The following ZNF235 variants were observed in gnomAD, a reference collection of about 807,000 sequenced individuals.
ZNF235 encodes zfp-93.
A neutral mutation model predicts 29.4 loss-of-function variants in ZNF235; 25 were observed. That is an observed-to-expected ratio of 0.85 (90% CI 0.62 to 1.19). The LOEUF (loss-of-function observed/expected upper bound fraction) is 1.19, where lower values mean the gene tolerates loss of function less well. ZNF235 is among the 50% of genes most tolerant of loss of function. The pLI is 0.00. For missense variants in ZNF235, 788 were observed against 885.0 expected (o/e 0.89, Z 1.39); for synonymous variants, 300 against 295.3 (o/e 1.02, Z -0.16).
rs1396634834 is a variant in ZNF235, at chr19:44,304,954, AC to A, written c.-49+16del. 1.0e-6 allele frequency: 1 copy of A among 985,124 alleles called. No homozygotes were observed. The highest frequency in any genetic ancestry group is 1.7e-5 in the African/African-American group (1 of 57,212). 61.0% of individuals were successfully genotyped at this position (985,124 alleles called of 1,614,324 possible). On this transcript the variant is annotated intron_variant, in intron 1 of 4. Transcript: ENST00000291182. ...AAGAGGGCTCGGAGAAGTCTTGGAG[AC>A]CCGGAGCTGACTCACCTCCCTGGGA...
At position 44,289,096 on chromosome 19, in the gene ZNF235, C is replaced by G; in HGVS notation, c.339G>C (p.Ala113=). 6.2e-7 allele frequency: 1 copy of G among 1,614,058 alleles called. No individual in the cohort carries two copies. The highest frequency in any genetic ancestry group is 8.5e-7 in the Non-Finnish European group (1 of 1,179,994). ...LSCWQIKRHI[A]SKLARSQDSM... ...AGTCTTGACTTCTGGCTAATTTGCTCGCAATGTGTCTCTTGATTTGCCAGC... is the reference window on the plus strand; with the variant it reads ...AGTCTTGACTTCTGGCTAATTTGCTGGCAATGTGTCTCTTGATTTGCCAGC... Residue 113 remains alanine, a synonymous_variant, in exon 5 of 5, where the codon GCG becomes GCC. Coordinates refer to ENST00000291182, the MANE Select transcript of ZNF235 (RefSeq NM_004234.4).
intron 4 of ZNF235, among the ~76,000 whole-genome samples, chr19:44,292,948 C>CA (rs1287981355): frequency 6.6e-6 from 1 of 151,790 alleles, no homozygotes; most frequent in Non-Finnish European, 1.5e-5. Context: ...CTTCAAAAAA[C>CA]AAAAAAATTT....
At chr19:44,302,783 T>A (rs923915325) in intron 2 of ZNF235, among the ~76,000 whole-genome samples, 4 of 131,022 alleles carry the variant, frequency 3.1e-5, no homozygotes, top group East Asian at 2.2e-4. Flanking sequence ...TATATATATA[T>A]AAAACTATAT....
At chr19:44,302,974 G>GTA (rs1418642905) in intron 2 of ZNF235, among the ~76,000 whole-genome samples, 1 of 106,404 alleles carries the variant, frequency 9.4e-6, no homozygotes, top group East Asian at 2.5e-4. Flanking sequence ...ACGTATATAT[G>GTA]TATATATTTA....
At chr19:44,304,754 G>A (rs929320911) in intron 1 of ZNF235, 4 of 985,432 alleles carry the variant, frequency 4.1e-6, no homozygotes, top group East Asian at 1.1e-4. Context: ...GCGTGAGGAC[G>A]GCTAGGGCAG....
In ZNF235 at chr19:44,288,566, G is replaced by C; in HGVS notation, c.869C>G (p.Ser290Cys). 6.2e-7 allele frequency: 1 copy of C among 1,614,132 alleles called. No individual in the cohort carries two copies. The highest frequency in any genetic ancestry group is 8.5e-7 in the Non-Finnish European group (1 of 1,179,986). The stretch of plus-strand genomic sequence containing the variant: ...CTTCTCATGTGTACTACACGCTGGA[G>C]ACTTCTTTCCCAAGTGTACCTGTTT... ...LHKQVHLGKKSPACSTHEKDT... is the reference protein window; with the variant it reads ...LHKQVHLGKKCPACSTHEKDT... The change falls in exon 5 of 5, where the codon TCT becomes TGT. Residue 290 changes from serine (S) to cysteine (C), a missense_variant. Coordinates refer to ENST00000291182, the MANE Select transcript of ZNF235 (RefSeq NM_004234.4).
rs1975535686 is a variant in ZNF235 at position 44,288,624 on chromosome 19, C to T, written c.811G>A (p.Ala271Thr). 1 of 1,613,934 alleles carries T rather than the reference C, an allele frequency of 6.2e-7. No individual in the cohort carries two copies. The highest frequency in any genetic ancestry group is 1.7e-5 in the Admixed American group (1 of 59,982). Residue 271 changes from alanine (A) to threonine (T), a missense_variant, in exon 5 of 5, where the codon GCC becomes ACC. By Grantham distance (58) the Ala-to-Thr change is moderately conservative (BLOSUM62 0). Coordinates refer to ENST00000291182, the MANE Select transcript of ZNF235 (RefSeq NM_004234.4). Reference protein sequence around the residue: ...KTYQGNECEEAFNDSSSLELH... With the variant: ...KTYQGNECEETFNDSSSLELH... Reference sequence around the variant, plus strand: ...TCAAGACTGGAGCTATCATTGAAGGCTTCTTCACATTCATTACCCTGGTAG... The same window carrying T: ...TCAAGACTGGAGCTATCATTGAAGGTTTCTTCACATTCATTACCCTGGTAG...
chr19:44,293,542 C>T (rs1975613433), intron 4 of ZNF235, among the ~76,000 whole-genome samples: 1 of 152,006 alleles, frequency 6.6e-6, no homozygotes, highest in Admixed American at 6.6e-5. Context: ...CAAAGAAACA[C>T]TGGACTTAAA....
intron 4 of ZNF235, chr19:44,290,936 A>G (rs1975577031): frequency 6.6e-6 from 1 of 152,250 alleles, no homozygotes; most frequent in African/African-American, 2.4e-5. Flanking sequence ...CAGCATCAGC[A>G]GTCAGAAAAC....
Position 44,288,482 on chromosome 19 carries a change from C to G in ZNF235, c.953G>C (p.Arg318Pro). 1 of 1,614,134 alleles carries G rather than the reference C, an allele frequency of 6.2e-7. No homozygotes were observed. Among genetic ancestry groups the G allele is most frequent in the Non-Finnish European group, 8.5e-7 (1 of 1,179,998 alleles). The change falls in exon 5 of 5, where the codon CGC becomes CCC. Residue 318 changes from arginine to proline, a missense_variant. By Grantham distance (103) the Arg-to-Pro change is moderately radical. Transcript: ENST00000291182. ...TTTACCACATTCATGACACCAATAG[C>G]GTTTTTTCCCAGTACGAACACTTTG... ...VQQSVRTGKK[R>P]YWCHECGKGF...
Position 44,287,557 on chromosome 19 carries a change from T to C in ZNF235, c.1878A>G (p.Pro626=), listed in dbSNP as rs1244123574. ...AHQRVHTGEK[P]YKCDTCGKAF... The stretch of plus-strand genomic sequence containing the variant: ...CCTTACCACAAGTGTCACATTTATA[T>C]GGTTTCTCTCCGGTGTGGACTCTCT... The change falls in exon 5 of 5, where the codon CCA becomes CCG. Residue 626 remains proline, a synonymous_variant. Transcript: ENST00000291182. The C allele has an allele frequency of 1.9e-6, 3 of 1,613,818 alleles. No individual in the cohort carries two copies. The highest frequency in any genetic ancestry group is 2.5e-6 in the Non-Finnish European group (3 of 1,179,952).
intron 2 of ZNF235, 119 bp downstream of exon 2, chr19:44,303,271 A>G: frequency 2.2e-6 from 2 of 894,762 alleles, no homozygotes; most frequent in Non-Finnish European, 3.6e-6. Context: ...ACAACCTGGC[A>G]TATAACAACA....
chr19:44,293,050 G>T (rs1191905662), intron 4 of ZNF235, among the ~76,000 whole-genome samples: 1 of 152,062 alleles, frequency 6.6e-6, no homozygotes, highest in Non-Finnish European at 1.5e-5. Context: ...ACTAGACCAG[G>T]TCTACAGGGA....
At chr19:44,303,566 CACG>C (rs1470322920) in intron 1 of ZNF235, 114 bp from the exon 2 acceptor site, 1 of 908,560 alleles carries the variant, frequency 1.1e-6, no homozygotes, top group East Asian at 2.9e-5. Context: ...CACAGTTGCA[CACG>C]GCTTAGTGAG....
intron 2 of ZNF235, among the ~76,000 whole-genome samples, chr19:44,301,205 T>A (rs148844369): frequency 6.6e-6 from 1 of 152,218 alleles, no homozygotes; most frequent in African/African-American, 2.4e-5. Context: ...ACCTGTTTCC[T>A]ACTTGTCTCA....
At chr19:44,289,307 T>A in intron 4 of ZNF235, 111 bp from the exon 5 acceptor site, 2 of 944,444 alleles carry the variant, frequency 2.1e-6, no homozygotes, top group Non-Finnish European at 3.0e-6. Context: ...AAAAAACAAC[T>A]AGACTGGCTG....
chr19:44,289,902 A>G (rs1050515549), intron 4 of ZNF235: 2 of 152,246 alleles, frequency 1.3e-5, no homozygotes. Context: ...AGACAAATCC[A>G]TATTTATAGC....
rs138928444 is a variant in ZNF235, at chr19:44,303,158, G to A, written c.15+232C>T. Among the ~76,000 whole-genome samples, 590 of 140,140 alleles carry A rather than the reference G, an allele frequency of 4.2e-3. 5 individuals carry two copies. The highest frequency in any genetic ancestry group is 0.014 in the African/African-American group (537 of 38,316). The allele number at this position is 140,140 out of a possible 152,430, so 91.9% of individuals were successfully genotyped here. A position where few individuals can be genotyped will look rare whatever the true frequency, so the allele number is the denominator to read the frequency against. On this transcript the variant is annotated intron_variant, in intron 2 of 4. Transcript: ENST00000291182. The stretch of plus-strand genomic sequence containing the variant: ...TTGTATATAAATATAAAATATATAC[G>A]TATATATAAATATATAATTATATAG...
At position 44,289,192 on chromosome 19, in the gene ZNF235, G is replaced by A. The variant is rs1194645988; in HGVS notation, c.243C>T (p.Asp81=). The A allele has an allele frequency of 3.1e-6, 5 of 1,610,586 alleles. No homozygotes were observed. Among genetic ancestry groups the A allele is most frequent in the South Asian group, 2.2e-5 (2 of 90,796 alleles). ...GAGTTGCCATCTCATTTTGATTCCTGTCTCCTGAAAGGATAGAGAGAATAA... is the reference window on the plus strand; with the variant it reads ...GAGTTGCCATCTCATTTTGATTCCTATCTCCTGAAAGGATAGAGAGAATAA... The part of the protein sequence containing the change: ...LQTQRGKHSG[D]RNQNEMATLH... Residue 81 remains aspartate, a synonymous_variant, in exon 5 of 5, where the codon GAC becomes GAT. Coordinates refer to ENST00000291182, the MANE Select transcript of ZNF235 (RefSeq NM_004234.4).
Sources: gnomAD v4.1 joint callset for allele counts (sites outside exome capture counted in the v4.1 genomes callset) on GRCh38, gnomAD v4.1.1 for gene constraint, MANE v1.5 for transcripts, NCBI Gene and HGNC (gene_info 2026-07-23, HGNC 2026-07-21) for gene names.